PRTG: variants seen among roughly 807,000 people sequenced by gnomAD.
PRTG encodes immunoglobulin superfamily, DCC subclass, member 5.
In PRTG, 67 loss-of-function variants were observed where a neutral mutation model predicts 122.5. That is an observed-to-expected ratio of 0.55 (90% CI 0.45 to 0.67). The LOEUF (loss-of-function observed/expected upper bound fraction) is 0.67. PRTG is among the 30% of genes least tolerant of loss of function. The pLI, the probability that PRTG is intolerant of heterozygous loss-of-function variation, is 0.00. For synonymous variants in PRTG, 554 were observed against 501.1 expected (o/e 1.11, Z -1.41); for missense variants, 1,435 against 1,415.4 (o/e 1.01, Z -0.22).
At chr15:55,738,000 C>CTATATATATA (rs1482548516) in intron 2 of PRTG, among the ~76,000 whole-genome samples, 1 of 66,944 alleles carries the variant, frequency 1.5e-5, no homozygotes, top group East Asian at 2.6e-4. Context: ...CTCTCTCTCT[C>CTATATATATA]TCTATATATA....
At chr15:55,661,824 C>T (rs1318029260) in intron 11 of PRTG, among the ~76,000 whole-genome samples, 2 of 150,000 alleles carry the variant, frequency 1.3e-5, no homozygotes, top group Admixed American at 1.3e-4. Context: ...TTCAGGCCTA[C>T]AAAAGTGATG....
intron 11 of PRTG, 73 bp from the exon 12 acceptor site, chr15:55,641,281 T>C (rs1261261868): frequency 1.7e-6 from 2 of 1,149,630 alleles, no homozygotes; most frequent in Non-Finnish European, 2.5e-6. Context: ...ATGAAGCCTT[T>C]ATAGATTTTG....
intron 2 of PRTG, among the ~76,000 whole-genome samples, chr15:55,726,105 G>A (rs1279142307): frequency 2.6e-5 from 4 of 152,088 alleles, no homozygotes; most frequent in African/African-American, 9.7e-5. Context: ...ATGACGCCCA[G>A]CTAATTTTTG....
At position 55,624,478 on chromosome 15, in the gene PRTG, T is replaced by C. The variant is rs758910660; in HGVS notation, c.2957A>G (p.Asn986Ser). The C allele has an allele frequency of 1.6e-5, 26 of 1,613,432 alleles. No homozygotes were observed. Among genetic ancestry groups the C allele is most frequent in the Middle Eastern group, 1.6e-4 (1 of 6,062 alleles). Reference sequence around the variant, plus strand: ...GGTACGAGGTAACTGTTGAGTTCCATTCTGTGCCGTCTTGGAAGCAGATGA... The same window carrying C: ...GGTACGAGGTAACTGTTGAGTTCCACTCTGTGCCGTCTTGGAAGCAGATGA... ...RKSSASKTAQ[N>S]GTQQLPRTSA... The change falls in exon 18 of 20, where the codon AAT becomes AGT. Residue 986 changes from asparagine (N) to serine (S), a missense_variant. Transcript: ENST00000389286.
chr15:55,677,642 AATAG>A (rs2059510206), intron 8 of PRTG, among the ~76,000 whole-genome samples, 151 bp downstream of exon 8: 1 of 152,244 alleles, frequency 6.6e-6, no homozygotes, highest in African/African-American at 2.4e-5. Context: ...TTTAGAAAAC[AATAG>A]ATACATAGGT....
intron 2 of PRTG, chr15:55,702,903 G>A: frequency 1.0e-6 from 1 of 985,338 alleles, no homozygotes; most frequent in Non-Finnish European, 1.2e-6. Context: ...ACCTTTTACA[G>A]GCTGCTGATC....
At chr15:55,709,320 GT>G (rs1296538292) in intron 2 of PRTG, among the ~76,000 whole-genome samples, 1 of 146,394 alleles carries the variant, frequency 6.8e-6, no homozygotes, top group Non-Finnish European at 1.5e-5. Flanking sequence ...GTGCTGACAA[GT>G]TTTTTTAAAA....
chr15:55,720,359 A>AAAAAC (rs1210018261), intron 2 of PRTG, among the ~76,000 whole-genome samples: 12 of 152,324 alleles, frequency 7.9e-5, no homozygotes, highest in Non-Finnish European at 1.5e-4. Flanking sequence ...TCTACCTCCA[A>AAAAAC]AAAACAAAAC....
intron 11 of PRTG, among the ~76,000 whole-genome samples, chr15:55,649,042 A>G (rs2059339265): frequency 1.3e-5 from 2 of 151,170 alleles, no homozygotes; most frequent in South Asian, 2.1e-4. Context: ...GGTTGCAGAG[A>G]CCCGAGATCA....
intron 2 of PRTG, among the ~76,000 whole-genome samples, chr15:55,736,946 T>C (rs1237574639): frequency 6.6e-6 from 1 of 152,226 alleles, no homozygotes; most frequent in African/African-American, 2.4e-5. Context: ...TTCTCTCAAA[T>C]GTCTCTTAAT....
chr15:55,690,947 G>T (rs1290106145), intron 2 of PRTG, among the ~76,000 whole-genome samples: 1 of 152,118 alleles, frequency 6.6e-6, no homozygotes. Flanking sequence ...CTGAATCCAG[G>T]TAGTCAACTT....
chr15:55,701,534 A>AAAAAG (rs553070377), intron 2 of PRTG, among the ~76,000 whole-genome samples: 1 of 152,152 alleles, frequency 6.6e-6, no homozygotes, highest in Non-Finnish European at 1.5e-5. Flanking sequence ...ACTCCATCTC[A>AAAAAG]AAAACAAAAC....
chr15:55,629,115 G>A, intron 15 of PRTG, 111 bp from the exon 16 acceptor site: 1 of 597,356 alleles, frequency 1.7e-6, no homozygotes, highest in Non-Finnish European at 2.7e-6. Context: ...TTATAAAGAT[G>A]ACACATATTG....
rs1181201258 is a variant in PRTG at position 55,616,131 on chromosome 15, T to C, written c.*3881A>G. On this transcript the variant is annotated 3_prime_UTR_variant, in exon 20 of 20. Coordinates refer to ENST00000389286, the MANE Select transcript of PRTG (RefSeq NM_173814.6). ...CACTTAATGGATAAAGCTGTATTTT[T>C]ACTTTTAGGCTAATCAAAATATAAA... 6.6e-6 allele frequency: 1 copy of C among 152,172 alleles called. No homozygotes were observed. Among genetic ancestry groups the C allele is most frequent in the Non-Finnish European group, 1.5e-5 (1 of 68,002 alleles). 9.4% of individuals were successfully genotyped at this position (152,172 alleles called of 1,614,324 possible).
At chr15:55,669,156 A>T (rs547576707) in intron 11 of PRTG, among the ~76,000 whole-genome samples, 1 of 152,236 alleles carries the variant, frequency 6.6e-6, no homozygotes, top group East Asian at 1.9e-4. Context: ...TTAAAAACTT[A>T]ATTATCAGAA....
In PRTG at chr15:55,678,046, T is replaced by C; in HGVS notation, c.1134-2A>G. 1 of 1,551,406 alleles carries C rather than the reference T, an allele frequency of 6.4e-7. No individual in the cohort carries two copies. Among genetic ancestry groups the C allele is most frequent in the South Asian group, 1.2e-5 (1 of 85,874 alleles). On this transcript the variant is annotated splice_acceptor_variant, in intron 7 of 19. Transcript: ENST00000389286. LOFTEE classifies it high-confidence loss of function. The stretch of plus-strand genomic sequence containing the variant: ...ATAATCTGGTTAATTACCAATTTAC[T>C]AGGGAAAGAAAAAAAATTATTTCCA...
intron 2 of PRTG, among the ~76,000 whole-genome samples, chr15:55,728,455 G>C (rs2031117313): frequency 6.6e-6 from 1 of 152,112 alleles, no homozygotes; most frequent in Admixed American, 6.6e-5. Flanking sequence ...TGTAAAAGTT[G>C]TTCAACAGAA....
intron 11 of PRTG, among the ~76,000 whole-genome samples, chr15:55,659,927 A>AAAAACAAAACAAAAC (rs56025011): frequency 0.045 from 6,813 of 150,138 alleles, 156 homozygotes; most frequent in Non-Finnish European, 0.056. Flanking sequence ...AAAAAGTCTC[A>AAAAACAAAACAAAAC]AAAACAAAAC....
intron 2 of PRTG, among the ~76,000 whole-genome samples, chr15:55,697,741 C>T (rs10851590): frequency 0.36 from 54,150 of 152,068 alleles, 12,419 homozygotes; most frequent in Non-Finnish European, 0.51. Flanking sequence ...CTGCTCACCT[C>T]GGCCTCCCAA....
Sources: allele counts gnomAD v4.1 joint callset (sites outside exome capture counted in the v4.1 genomes callset), GRCh38; gene constraint gnomAD v4.1.1; transcripts MANE v1.5; gene names NCBI Gene and HGNC (gene_info 2026-07-23, HGNC 2026-07-21).